The following GFOD1 variants were observed in gnomAD, a reference collection of about 807,000 sequenced individuals.
The protein encoded by GFOD1 is glucose-fructose oxidoreductase domain-containing protein 1.
Under a neutral mutation model 25.4 loss-of-function variants are expected in GFOD1, and 9 were observed. That is an observed-to-expected ratio of 0.35 (90% CI 0.21 to 0.62). GFOD1 has a LOEUF of 0.62. Ranked by LOEUF, GFOD1 falls within the 20% of genes least tolerant of loss-of-function variation. The pLI, the probability that GFOD1 is intolerant of heterozygous loss-of-function variation, is 0.72. For missense variants in GFOD1, 403 were observed against 556.9 expected (o/e 0.72, Z 2.78); for synonymous variants, 253 against 245.6 (o/e 1.03, Z -0.28).
Position 13,364,791 on chromosome 6 carries a change from G to A in GFOD1, c.1125C>T (p.Tyr375=), listed in dbSNP as rs903890836. The change falls in exon 2 of 2, where the codon TAC becomes TAT. Residue 375 remains tyrosine, a synonymous_variant. Transcript: ENST00000379287. The surrounding 1 kb of genome is among the most constrained non-coding windows in gnomAD (Gnocchi z 4.1). ...TGCGGCGCATGGCCTCGCTGATCAGGTAGGCGGGGCTCAGCTCCGGCTCCT... is the reference window on the plus strand; with the variant it reads ...TGCGGCGCATGGCCTCGCTGATCAGATAGGCGGGGCTCAGCTCCGGCTCCT... ...MTEEPELSPA[Y]LISEAMRRSR... 1.9e-6 allele frequency: 3 copies of A among 1,613,788 alleles called. No homozygotes were observed. Among genetic ancestry groups the A allele is most frequent in the African/African-American group, 1.3e-5 (1 of 74,924 alleles).
intron 1 of GFOD1, among the ~76,000 whole-genome samples, chr6:13,452,360 C>T (rs1758112662): frequency 6.6e-6 from 1 of 152,224 alleles, no homozygotes; most frequent in African/African-American, 2.4e-5. Flanking sequence ...GAACCACACA[C>T]TTGAAGTATT....
chr6:13,487,021 C>G lies in GFOD1; in HGVS notation c.-131G>C. ...GCCGCGGTGCGCCAGCCGCCGTGCA[C>G]CGGGCAAGGCGCCCGGGTGCCCAGA... On this transcript the variant is annotated 5_prime_UTR_variant, in exon 1 of 2. Transcript: ENST00000379287. The surrounding 1 kb of genome is among the most constrained non-coding windows in gnomAD (Gnocchi z 4.9). 1 of 1,157,306 alleles carries G rather than the reference C, an allele frequency of 8.6e-7. No homozygotes were observed. The allele number at this position is 1,157,306 out of a possible 1,614,324, so 71.7% of individuals were successfully genotyped here.
intron 1 of GFOD1, among the ~76,000 whole-genome samples, chr6:13,418,824 G>T (rs935493564): frequency 6.6e-6 from 1 of 152,178 alleles, no homozygotes. Context: ...GAATAAAAAA[G>T]AAGGTCTCCT....
At chr6:13,395,428 G>A (rs141625798) in intron 1 of GFOD1, among the ~76,000 whole-genome samples, 4 of 152,214 alleles carry the variant, frequency 2.6e-5, no homozygotes, top group African/African-American at 9.6e-5. Context: ...TCTGATAAGG[G>A]GATCTTGTTT....
chr6:13,361,671 A>T lies in GFOD1; in HGVS notation c.*3072T>A, dbSNP rs922348116. On this transcript the variant is annotated 3_prime_UTR_variant, in exon 2 of 2. Coordinates refer to ENST00000379287, the MANE Select transcript of GFOD1 (RefSeq NM_018988.4). Reference sequence around the variant, plus strand: ...ATAAGGGCAAATGGAGCACTAAAGGAGTATCTCAAACCCATTTGCTACAGT... The same window carrying T: ...ATAAGGGCAAATGGAGCACTAAAGGTGTATCTCAAACCCATTTGCTACAGT... 5 of 152,212 alleles carry T rather than the reference A, an allele frequency of 3.3e-5. No individual in the cohort carries two copies. The highest frequency in any genetic ancestry group is 1.2e-4 in the African/African-American group (5 of 41,444). 9.4% of individuals were successfully genotyped at this position (152,212 alleles called of 1,614,324 possible). A position where few individuals can be genotyped will look rare whatever the true frequency, so the allele number is the denominator to read the frequency against.
intron 1 of GFOD1, among the ~76,000 whole-genome samples, chr6:13,439,378 G>C (rs941750327): frequency 6.6e-6 from 1 of 152,194 alleles, no homozygotes; most frequent in East Asian, 1.9e-4. Context: ...AACACCATAG[G>C]CTTAGAGTAT....
At chr6:13,426,623 G>C (rs1319026367) in intron 1 of GFOD1, among the ~76,000 whole-genome samples, 1 of 152,156 alleles carries the variant, frequency 6.6e-6, no homozygotes, top group East Asian at 1.9e-4. Context: ...GGCACCCGAG[G>C]TAGGTGAGGT....
chr6:13,456,331 C>T (rs897119024), intron 1 of GFOD1, among the ~76,000 whole-genome samples: 5 of 151,980 alleles, frequency 3.3e-5, no homozygotes, highest in East Asian at 1.9e-4. Flanking sequence ...TCCACCACCA[C>T]GCCCGGCTGA....
At chr6:13,469,460 C>T (rs1251423513) in intron 1 of GFOD1, 6 of 988,976 alleles carry the variant, frequency 6.1e-6, no homozygotes, top group Non-Finnish European at 7.2e-6. Flanking sequence ...GTTCAGTCAC[C>T]ATTTCCCCGT....
intron 1 of GFOD1, among the ~76,000 whole-genome samples, chr6:13,413,166 A>T (rs1302430666): frequency 6.6e-6 from 1 of 152,160 alleles, no homozygotes; most frequent in African/African-American, 2.4e-5. Context: ...TTTTTCAGTT[A>T]CCAGCCACAC....
chr6:13,429,035 A>G (rs1044519756), intron 1 of GFOD1, among the ~76,000 whole-genome samples: 9 of 152,076 alleles, frequency 5.9e-5, no homozygotes, highest in Admixed American at 5.2e-4. Context: ...CTCAGACAGG[A>G]CTCTACAAAC....
chr6:13,485,461 T>C lies in GFOD1; in HGVS notation c.253+1177A>G, dbSNP rs550550780. Among the ~76,000 whole-genome samples, 9 of 152,354 alleles carry C rather than the reference T, an allele frequency of 5.9e-5. No individual in the cohort carries two copies. In the South Asian group the frequency reaches 1.9e-3, roughly 32 times the overall value. ...TCGCTTCATCTGGTTATAAGCTTTG[T>C]TCTTGTTATAAGCTTTGTGTTTTTC... is the stretch of plus-strand genomic sequence containing the variant. On this transcript the variant is annotated intron_variant, in intron 1 of 1. Coordinates refer to ENST00000379287, the MANE Select transcript of GFOD1 (RefSeq NM_018988.4).
intron 1 of GFOD1, among the ~76,000 whole-genome samples, chr6:13,415,806 A>G (rs913742978): frequency 4.6e-5 from 7 of 152,228 alleles, no homozygotes; most frequent in African/African-American, 1.7e-4. Context: ...TATTATCTAT[A>G]TGGCTATGGT....
Position 13,360,712 on chromosome 6 carries a change from C to A in GFOD1, c.*4031G>T, listed in dbSNP as rs1300500175. On this transcript the variant is annotated 3_prime_UTR_variant, in exon 2 of 2. Transcript: ENST00000379287. ...GCTCTACAGCCTCCTGGCAGAACAT[C>A]AGATGTTGCATCCTGCTGAACAGGA... The A allele has an allele frequency of 4.4e-6, 2 of 456,772 alleles. No individual in the cohort carries two copies. Among genetic ancestry groups the A allele is most frequent in the South Asian group, 3.1e-5 (2 of 64,576 alleles). The allele number at this position is 456,772 out of a possible 1,614,324, so 28.3% of individuals were successfully genotyped here.
intron 1 of GFOD1, among the ~76,000 whole-genome samples, chr6:13,378,553 T>C (rs1189718393): frequency 6.6e-6 from 1 of 152,154 alleles, no homozygotes; most frequent in Non-Finnish European, 1.5e-5. Context: ...TGAAAGATTA[T>C]TATCGAGAAA....
At chr6:13,461,362 C>CA (rs1386139685) in intron 1 of GFOD1, among the ~76,000 whole-genome samples, 4 of 152,202 alleles carry the variant, frequency 2.6e-5, no homozygotes, top group Non-Finnish European at 5.9e-5. Flanking sequence ...GGAAGGGAGG[C>CA]ATCCAGCCTT....
intron 1 of GFOD1, among the ~76,000 whole-genome samples, chr6:13,436,669 C>T (rs1320980062): frequency 6.6e-6 from 1 of 152,184 alleles, no homozygotes; most frequent in Non-Finnish European, 1.5e-5. Context: ...GCTAATGTAG[C>T]TAAATGAATT....
intron 1 of GFOD1, among the ~76,000 whole-genome samples, chr6:13,425,351 G>A (rs909086712): frequency 3.9e-5 from 6 of 152,096 alleles, no homozygotes; most frequent in South Asian, 2.1e-4. Flanking sequence ...GAAAGATTAA[G>A]TCACTTGTTC....
At chr6:13,385,230 G>A (rs563628788) in intron 1 of GFOD1, among the ~76,000 whole-genome samples, 18 of 152,308 alleles carry the variant, frequency 1.2e-4, no homozygotes, top group Middle Eastern at 3.4e-3. Context: ...AATCTCGGGC[G>A]TGTGCCAGCC....
Sources: allele counts gnomAD v4.1 joint callset (sites outside exome capture counted in the v4.1 genomes callset), GRCh38; gene constraint gnomAD v4.1.1; non-coding constraint Gnocchi (gnomAD v3.1); transcripts MANE v1.5; gene names NCBI Gene and HGNC (gene_info 2026-07-23, HGNC 2026-07-21).